DPY19L2: variants seen among roughly 807,000 people sequenced by gnomAD.
DPY19L2 encodes the protein dpy-19 like 2.
In DPY19L2, 34 loss-of-function variants were observed where a neutral mutation model predicts 97.9. The ratio of observed to expected loss-of-function variants is 0.35; its 90% CI spans 0.26 to 0.46. The LOEUF is 0.46. Among genes scored for constraint, DPY19L2 ranks in the 20% least tolerant of loss-of-function variants. The pLI is 1.00. For missense variants in DPY19L2, 623 were observed against 911.4 expected (o/e 0.68, Z 4.07); for synonymous variants, 230 against 307.9 (o/e 0.75, Z 2.65).
intron 3 of DPY19L2, 152 bp from the exon 4 acceptor site, chr12:63,661,633 TA>T: frequency 3.3e-6 from 2 of 603,050 alleles, no homozygotes; most frequent in Non-Finnish European, 2.7e-6. Flanking sequence ...TCTTGGTTTT[TA>T]AAGAACACGT....
intron 8 of DPY19L2, among the ~76,000 whole-genome samples, chr12:63,622,106 A>C (rs1888789085): frequency 6.6e-6 from 1 of 152,178 alleles, no homozygotes; most frequent in Non-Finnish European, 1.5e-5. Flanking sequence ...ATCATAAAAT[A>C]CTCATTATGT....
At chr12:63,588,239 C>T (rs1592453393) in intron 16 of DPY19L2, among the ~76,000 whole-genome samples, 1 of 152,252 alleles carries the variant, frequency 6.6e-6, no homozygotes, top group East Asian at 1.9e-4. Flanking sequence ...TCGTTATGGA[C>T]TAATGCAGCT....
intron 20 of DPY19L2, 117 bp from the exon 21 acceptor site, chr12:63,569,466 A>G (rs1878393269): frequency 3.8e-6 from 3 of 794,868 alleles, no homozygotes; most frequent in Non-Finnish European, 5.6e-6. Context: ...ACCGATATAC[A>G]TGACTCAAAA....
intron 15 of DPY19L2, among the ~76,000 whole-genome samples, 187 bp downstream of exon 15, chr12:63,595,779 G>GA (rs1408073063): frequency 6.6e-6 from 1 of 151,864 alleles, no homozygotes; most frequent in African/African-American, 2.4e-5. Flanking sequence ...TCTTTTGAAA[G>GA]AAAAAATAAG....
intron 19 of DPY19L2, among the ~76,000 whole-genome samples, chr12:63,579,333 G>A (rs905998601): frequency 6.6e-5 from 10 of 152,222 alleles, no homozygotes; most frequent in Non-Finnish European, 1.3e-4. Flanking sequence ...CTATACAACC[G>A]TATATGGCAG....
chr12:63,602,747 A>AT (rs1885388478), intron 12 of DPY19L2, among the ~76,000 whole-genome samples: 1 of 151,974 alleles, frequency 6.6e-6, no homozygotes, highest in Non-Finnish European at 1.5e-5. Context: ...GTGTAGATGT[A>AT]TTTTTAAGAA....
intron 11 of DPY19L2, among the ~76,000 whole-genome samples, chr12:63,614,190 C>CA (rs56375248): frequency 0.051 from 5,853 of 113,938 alleles, 149 homozygotes; most frequent in African/African-American, 0.079. Context: ...AACTCCGTCT[C>CA]AAAAAAAAAA....
At chr12:63,622,933 A>G (rs1888922628) in intron 8 of DPY19L2, among the ~76,000 whole-genome samples, 1 of 152,094 alleles carries the variant, frequency 6.6e-6, no homozygotes, top group Non-Finnish European at 1.5e-5. Context: ...CTAAATAAAT[A>G]AATAAAAATT....
chr12:63,593,186 T>C (rs1231476363), intron 16 of DPY19L2, among the ~76,000 whole-genome samples: 1 of 152,168 alleles, frequency 6.6e-6, no homozygotes, highest in Non-Finnish European at 1.5e-5. Flanking sequence ...TTTTACACTG[T>C]TGGTGGGACT....
At chr12:63,642,566 C>A (rs536090181) in intron 6 of DPY19L2, among the ~76,000 whole-genome samples, 2 of 152,106 alleles carry the variant, frequency 1.3e-5, no homozygotes, top group South Asian at 2.1e-4. Context: ...AATGCCTGTC[C>A]TTACTCACCA....
intron 6 of DPY19L2, among the ~76,000 whole-genome samples, chr12:63,633,764 C>T (rs565208284): frequency 8.5e-5 from 13 of 152,106 alleles, no homozygotes; most frequent in African/African-American, 1.9e-4. Flanking sequence ...CACATGCACA[C>T]GTATGTTTAT....
chr12:63,617,378 G>C lies in DPY19L2; in HGVS notation c.1144C>G (p.Leu382Val). Residue 382 changes from leucine to valine, a missense_variant, in exon 11 of 22, where the codon CTT (leucine) becomes GTT (valine). Leu to Val is a conservative substitution (Grantham distance 32). Around this residue, in one of 6 missense-constraint regions of DPY19L2, gnomAD observed 7 missense variants for 55.0 expected, o/e 0.13. Transcript: ENST00000324472. ...TTTCCAAACATCAAAATGAAACTAA[G>C]GGTAACTGAAATCTGAAAAAAATGA... Reference protein sequence around the residue: ...IIYMNMISVTLSFILMFGNSM... With the variant: ...IIYMNMISVTVSFILMFGNSM... 1 of 1,572,832 alleles carries C rather than the reference G, an allele frequency of 6.4e-7. No homozygotes were observed. The highest frequency in any genetic ancestry group is 8.7e-7 in the Non-Finnish European group (1 of 1,147,552).
chr12:63,582,014 T>A (rs1417324677), intron 18 of DPY19L2, among the ~76,000 whole-genome samples: 1 of 150,662 alleles, frequency 6.6e-6, no homozygotes, highest in Non-Finnish European at 1.5e-5. Flanking sequence ...TTGGCCGGGC[T>A]GGTCTCGAAC....
intron 16 of DPY19L2, among the ~76,000 whole-genome samples, chr12:63,592,722 G>A (rs1399009480): frequency 4.0e-5 from 6 of 149,486 alleles, no homozygotes; most frequent in South Asian, 2.1e-4. Context: ...TCAGGACATA[G>A]GCATGGGCAA....
chr12:63,658,708 C>T (rs930870427), intron 4 of DPY19L2, among the ~76,000 whole-genome samples: 5 of 152,110 alleles, frequency 3.3e-5, no homozygotes, highest in African/African-American at 1.2e-4. Context: ...GTCCTCTTCT[C>T]CAAGGAAGTA....
At chr12:63,634,677 C>T (rs1565811877) in intron 6 of DPY19L2, among the ~76,000 whole-genome samples, 2 of 152,156 alleles carry the variant, frequency 1.3e-5, no homozygotes, top group East Asian at 1.9e-4. Context: ...TGGAGCCTCA[C>T]TCACTGCTAG....
intron 4 of DPY19L2, among the ~76,000 whole-genome samples, chr12:63,660,011 C>T (rs1895468063): frequency 6.6e-6 from 1 of 152,044 alleles, no homozygotes; most frequent in South Asian, 2.1e-4. Flanking sequence ...TCACAGCCAT[C>T]GTAAGAGTAA....
At chr12:63,605,366 C>T (rs893445961) in intron 12 of DPY19L2, among the ~76,000 whole-genome samples, 2 of 152,110 alleles carry the variant, frequency 1.3e-5, no homozygotes, top group African/African-American at 4.8e-5. Context: ...AGAGCATTTC[C>T]CTGGAACCTC....
Position 63,559,586 on chromosome 12 carries a change from A to C in DPY19L2, c.*926T>G, listed in dbSNP as rs1175764669. On this transcript the variant is annotated 3_prime_UTR_variant, in exon 22 of 22. Transcript: ENST00000324472. Reference sequence around the variant, plus strand: ...AACCAAAAATAAATGAGGGCTTAAAAATATATTATTTAAGAAGATAGTGGC... The same window carrying C: ...AACCAAAAATAAATGAGGGCTTAAACATATATTATTTAAGAAGATAGTGGC... 1.3e-5 allele frequency: 2 copies of C among 152,574 alleles called. No individual in the cohort carries two copies. The highest frequency in any genetic ancestry group is 1.3e-4 in the Admixed American group (2 of 15,280). The allele number at this position is 152,574 out of a possible 1,614,324, so 9.5% of individuals were successfully genotyped here.
Sources: allele counts gnomAD v4.1 joint callset (sites outside exome capture counted in the v4.1 genomes callset), GRCh38; gene constraint gnomAD v4.1.1; regional missense constraint gnomAD v4.1.1; transcripts MANE v1.5; gene names NCBI Gene and HGNC (gene_info 2026-07-23, HGNC 2026-07-21).